Variants in KLF8 observed in about 807,000 individuals in gnomAD.
KLF8 encodes Krueppel-like factor 8.
In KLF8, 10 loss-of-function variants were observed where a neutral mutation model predicts 18.2. That is an observed-to-expected ratio of 0.55 (90% CI 0.34 to 0.93). The LOEUF (loss-of-function observed/expected upper bound fraction) is 0.93, where lower values mean the gene tolerates loss of function less well. Among genes scored for constraint, KLF8 ranks in the 40% least tolerant of loss-of-function variants. The probability of loss-of-function intolerance (pLI) is 0.02; values close to 1 mark genes in which losing one functional copy is unlikely to be tolerated. For synonymous variants in KLF8, 109 were observed against 97.3 expected (o/e 1.12, Z -0.71); for missense variants, 264 against 277.9 (o/e 0.95, Z 0.36).
At chrX:56,106,886 A>C in the KLF8 span, among the ~76,000 whole-genome samples, 6 of 112,229 alleles carry the variant, frequency 5.3e-5, no homozygotes, top group South Asian at 3.7e-4. Flanking sequence ...GGTGACCTAC[A>C]GATGGGGTTT....
the KLF8 span, among the ~76,000 whole-genome samples, chrX:56,128,159 A>T: frequency 0.078 from 8,764 of 112,043 alleles, 834 homozygotes; most frequent in African/African-American, 0.27. Context: ...AAGGATATTT[A>T]AAAGAGTATA....
the KLF8 span, among the ~76,000 whole-genome samples, chrX:56,179,132 G>A: frequency 1.8e-5 from 2 of 111,666 alleles, no homozygotes; most frequent in African/African-American, 6.5e-5. Flanking sequence ...AATGTTCTAT[G>A]TTCTTCCATT....
chrX:55,969,671 T>A, the KLF8 span, among the ~76,000 whole-genome samples: 25 of 111,078 alleles, frequency 2.3e-4, no homozygotes, highest in Non-Finnish European at 1.3e-4. Flanking sequence ...TTTTAAAAGA[T>A]AAAACTGACA....
intron 5 of KLF8, among the ~76,000 whole-genome samples, chrX:56,272,077 T>C (rs960081093): frequency 9.0e-6 from 1 of 111,583 alleles, no homozygotes; most frequent in Non-Finnish European, 1.9e-5. Context: ...AAGCTTCCCA[T>C]ATGAAGGGAA....
chrX:56,164,751 C>CT, the KLF8 span, among the ~76,000 whole-genome samples: 122 of 35,913 alleles, frequency 3.4e-3, no homozygotes, highest in African/African-American at 6.5e-3. Context: ...TTTTTTTTAA[C>CT]TTTTTTTTTT....
At chrX:56,251,902 A>G (rs1035789877) in intron 2 of KLF8, among the ~76,000 whole-genome samples, 3 of 112,097 alleles carry the variant, frequency 2.7e-5, no homozygotes, top group African/African-American at 9.7e-5. Flanking sequence ...CCTTTGTGTT[A>G]CAAACAATGC....
At chrX:55,986,741 T>A in the KLF8 span, among the ~76,000 whole-genome samples, 5 of 112,061 alleles carry the variant, frequency 4.5e-5, no homozygotes, top group Non-Finnish European at 7.5e-5. Context: ...TACAAGTTGG[T>A]TACATGGGTA....
the KLF8 span, among the ~76,000 whole-genome samples, chrX:56,076,968 G>A: frequency 2.7e-5 from 3 of 111,540 alleles, no homozygotes; most frequent in African/African-American, 9.8e-5. Flanking sequence ...CATGTCCTTT[G>A]CCCACTTTTT....
chrX:56,241,956 A>T, intron 1 of KLF8, among the ~76,000 whole-genome samples: 1 of 112,264 alleles, frequency 8.9e-6, no homozygotes, highest in Non-Finnish European at 1.9e-5. Flanking sequence ...TGTGAGGTGA[A>T]TGAGGAGTTA....
intron 5 of KLF8, among the ~76,000 whole-genome samples, chrX:56,276,020 T>C (rs1260630238): frequency 8.9e-6 from 1 of 112,051 alleles, no homozygotes; most frequent in East Asian, 2.8e-4. Context: ...TATTTCTTCC[T>C]GTTCTATTTT....
the KLF8 span, among the ~76,000 whole-genome samples, chrX:56,146,960 C>T: frequency 1.3e-4 from 15 of 112,225 alleles, no homozygotes; most frequent in Admixed American, 1.2e-3. Flanking sequence ...AAAATCTCAG[C>T]GCCAGTAGCA....
At chrX:56,181,789 TC>T in the KLF8 span, among the ~76,000 whole-genome samples, 54 of 99,933 alleles carry the variant, frequency 5.4e-4, no homozygotes, top group African/African-American at 1.9e-3. Flanking sequence ...TGAATATTGC[TC>T]CCCCCCCTTC....
the KLF8 span, among the ~76,000 whole-genome samples, chrX:56,070,665 G>C: frequency 9.0e-6 from 1 of 110,731 alleles, no homozygotes; most frequent in Admixed American, 9.6e-5. Flanking sequence ...CCTGTTGAGT[G>C]GGGGCAAGGG....
chrX:56,219,798 G>A, the KLF8 span, among the ~76,000 whole-genome samples: 3 of 112,125 alleles, frequency 2.7e-5, no homozygotes, highest in African/African-American at 9.7e-5. Context: ...GTTGCAGTGA[G>A]CTGAGATTGT....
At chrX:56,086,564 A>G in the KLF8 span, among the ~76,000 whole-genome samples, 1 of 111,238 alleles carries the variant, frequency 9.0e-6, no homozygotes, top group African/African-American at 3.3e-5. Flanking sequence ...TAAAGCTTTT[A>G]TGTTAGTCTA....
At chrX:55,959,183 G>C in the KLF8 span, among the ~76,000 whole-genome samples, 1 of 112,218 alleles carries the variant, frequency 8.9e-6, no homozygotes, top group Non-Finnish European at 1.9e-5. Context: ...AAAGTATCTA[G>C]AAATGAAGCC....
At chrX:55,909,235 A>G in the KLF8 span, among the ~76,000 whole-genome samples, 1 of 112,092 alleles carries the variant, frequency 8.9e-6, no homozygotes, top group Non-Finnish European at 1.9e-5. Context: ...TGTTGGAAGG[A>G]ATTTGTGTGG....
chrX:56,284,371 TG>T lies in KLF8; in HGVS notation c.958del (p.Glu320SerfsTer47), dbSNP rs1367075529. The T allele has an allele frequency of 1.7e-6, 2 of 1,203,794 alleles. No individual in the cohort carries two copies. Among genetic ancestry groups the T allele is most frequent in the Non-Finnish European group, 2.2e-6 (2 of 891,952 alleles). On this transcript the variant is annotated frameshift_variant, in exon 6 of 6. Transcript: ENST00000468660. LOFTEE classifies it high-confidence loss of function. ...GCTCCTGGAAATTTGCTCGCTCAGA[TG>T]AGCTCACTCGCCATTTCCGCAAGCA... ...GCSWKFARSD[E>X]LTRHFRKHTG... is the part of the protein sequence containing the mutation.
chrX:56,034,748 C>CTTTTTTTTTTTT, the KLF8 span, among the ~76,000 whole-genome samples: 2 of 53,819 alleles, frequency 3.7e-5, no homozygotes, highest in African/African-American at 7.3e-5. Flanking sequence ...GAACTTATTT[C>CTTTTTTTTTTTT]TTTTTTTTTT....
Sources: allele counts gnomAD v4.1 joint callset (sites outside exome capture counted in the v4.1 genomes callset), GRCh38; gene constraint gnomAD v4.1.1; transcripts MANE v1.5; gene names NCBI Gene and HGNC (gene_info 2026-07-23, HGNC 2026-07-21).